Variants in CALN1 observed in about 807,000 individuals in gnomAD.
CALN1 encodes the protein calneuron 1, also known as calcium-binding protein 8.
CALN1 carries 17 observed loss-of-function variants against 30.6 expected under a neutral mutation model. The observed-to-expected ratio is 0.56, with a 90% CI of 0.38 to 0.83. The LOEUF (loss-of-function observed/expected upper bound fraction) is 0.83, where lower values mean the gene tolerates loss of function less well. CALN1 is among the 40% of genes least tolerant of loss of function. The pLI is 0.00. For missense variants in CALN1, 291 were observed against 354.9 expected (o/e 0.82, Z 1.45); for synonymous variants, 156 against 131.4 (o/e 1.19, Z -1.28).
Position 72,362,739 on chromosome 7 carries a change from C to T in CALN1, c.119+40512G>A, listed in dbSNP as rs1803642665. ...GGCCCGTTGTCCTGGGGACTCTCCC[C>T]CTCCTGCAGCCTTTCTTCCTTTCTT... On this transcript the variant is annotated intron_variant, in intron 2 of 6. Transcript: ENST00000395275. Among the ~76,000 whole-genome samples the T allele has an allele frequency of 2.0e-5, 3 of 152,302 alleles. No homozygotes were observed. The South Asian group carries it at 6.2e-4, about 32-fold the overall frequency.
At chr7:71,903,949 T>C (rs1231100823) in intron 5 of CALN1, among the ~76,000 whole-genome samples, 1 of 152,154 alleles carries the variant, frequency 6.6e-6, no homozygotes, top group Admixed American at 6.5e-5. Flanking sequence ...TATGAAAAAA[T>C]GCTCAACATC....
intron 2 of CALN1, among the ~76,000 whole-genome samples, chr7:72,338,662 GTT>G (rs1421399572): frequency 1.3e-5 from 2 of 152,034 alleles, no homozygotes; most frequent in African/African-American, 2.4e-5. Flanking sequence ...TTTTAAATAT[GTT>G]TTTGTTATTT....
At chr7:71,808,213 A>G (rs1379615658) in intron 6 of CALN1, among the ~76,000 whole-genome samples, 5 of 151,902 alleles carry the variant, frequency 3.3e-5, no homozygotes, top group African/African-American at 1.2e-4. Flanking sequence ...TGTTATGGTG[A>G]TAATTATTAC....
intron 5 of CALN1, among the ~76,000 whole-genome samples, chr7:71,901,662 A>G (rs1217445749): frequency 3.9e-5 from 6 of 152,172 alleles, no homozygotes; most frequent in Non-Finnish European, 7.3e-5. Flanking sequence ...AAAAACATAT[A>G]CTGGGGAAGG....
At chr7:71,854,501 A>T (rs1404493293) in intron 5 of CALN1, among the ~76,000 whole-genome samples, 1 of 152,228 alleles carries the variant, frequency 6.6e-6, no homozygotes, top group African/African-American at 2.4e-5. Context: ...CAATTATAGC[A>T]AGTTGGTGAT....
chr7:72,481,213 A>T, the CALN1 span, among the ~76,000 whole-genome samples: 2 of 152,072 alleles, frequency 1.3e-5, no homozygotes, highest in Non-Finnish European at 2.9e-5. Context: ...CGGCCTCCCA[A>T]AGTGCTGGGA....
intron 2 of CALN1, among the ~76,000 whole-genome samples, chr7:72,363,001 A>G (rs943622714): frequency 2.0e-5 from 3 of 152,224 alleles, no homozygotes; most frequent in African/African-American, 7.2e-5. Context: ...TAGACAAGGT[A>G]GAAGCACCTG....
At chr7:72,441,452 G>A (rs548728333) in intron 1 of CALN1, among the ~76,000 whole-genome samples, 1 of 152,110 alleles carries the variant, frequency 6.6e-6, no homozygotes, top group Non-Finnish European at 1.5e-5. Flanking sequence ...ATAAAAATTA[G>A]TCGGGCATGG....
chr7:72,010,414 C>T (rs1312156811), intron 5 of CALN1, among the ~76,000 whole-genome samples: 4 of 152,164 alleles, frequency 2.6e-5, no homozygotes, highest in Non-Finnish European at 2.9e-5. Context: ...GCCGAAACCA[C>T]CTAGACTCTT....
the CALN1 span, among the ~76,000 whole-genome samples, chr7:72,501,676 T>A: frequency 6.6e-6 from 1 of 150,802 alleles, no homozygotes; most frequent in Admixed American, 6.6e-5. Context: ...TTTGGGAGGC[T>A]GAGGTGGGCG....
chr7:72,184,793 CTTTT>C (rs950097395), intron 3 of CALN1, among the ~76,000 whole-genome samples: 46 of 149,950 alleles, frequency 3.1e-4, no homozygotes, highest in Non-Finnish European at 5.2e-4. Flanking sequence ...TTTTTTTTTT[CTTTT>C]TCTTATTTTT....
intron 2 of CALN1, among the ~76,000 whole-genome samples, chr7:72,279,305 C>G (rs1797575117): frequency 6.6e-6 from 1 of 152,204 alleles, no homozygotes; most frequent in African/African-American, 2.4e-5. Flanking sequence ...GCACTCAAAA[C>G]AGGTAGGAAA....
chr7:72,125,382 G>A (rs1051425680), intron 3 of CALN1, among the ~76,000 whole-genome samples: 3 of 152,220 alleles, frequency 2.0e-5, no homozygotes, highest in African/African-American at 4.8e-5. Flanking sequence ...CTATGTGCCA[G>A]GCACTGTTCT....
chr7:72,050,098 C>T (rs905854291), intron 4 of CALN1, among the ~76,000 whole-genome samples: 5 of 151,950 alleles, frequency 3.3e-5, no homozygotes, highest in Admixed American at 1.3e-4. Flanking sequence ...GGGTTTCAGG[C>T]GTGAGGCCCC....
chr7:72,260,331 T>C (rs1186959155), intron 3 of CALN1, among the ~76,000 whole-genome samples: 1 of 152,188 alleles, frequency 6.6e-6, no homozygotes, highest in African/African-American at 2.4e-5. Flanking sequence ...ACTCCGTTTG[T>C]TGAACTCCAT....
chr7:72,121,283 T>C (rs1563076185), intron 3 of CALN1, among the ~76,000 whole-genome samples: 1 of 142,080 alleles, frequency 7.0e-6, no homozygotes, highest in Admixed American at 7.3e-5. Flanking sequence ...TATATAATAA[T>C]ATATAAATTA....
chr7:72,327,479 A>G (rs556059910), intron 2 of CALN1, among the ~76,000 whole-genome samples: 2 of 152,134 alleles, frequency 1.3e-5, no homozygotes, highest in African/African-American at 2.4e-5. Flanking sequence ...ACAGAGCAAG[A>G]CTCTGTCTCA....
chr7:71,825,635 A>G (rs1788863216), intron 5 of CALN1, among the ~76,000 whole-genome samples: 1 of 152,142 alleles, frequency 6.6e-6, no homozygotes, highest in African/African-American at 2.4e-5. Context: ...CCCTGCCAAG[A>G]ACAGAGAGAC....
chr7:72,040,259 G>C (rs372815447), intron 4 of CALN1, among the ~76,000 whole-genome samples: 1 of 152,002 alleles, frequency 6.6e-6, no homozygotes. Flanking sequence ...AGGATCCCTT[G>C]AGCCCAGGAG....
Sources: allele counts gnomAD v4.1 joint callset (sites outside exome capture counted in the v4.1 genomes callset), GRCh38; gene constraint gnomAD v4.1.1; transcripts MANE v1.5; gene names NCBI Gene and HGNC (gene_info 2026-07-23, HGNC 2026-07-21).